Variants in KCNIP4 observed in about 807,000 individuals in gnomAD.
KCNIP4 encodes the protein potassium voltage-gated channel interacting protein 4, also known as Kv channel-interacting protein 4.
In KCNIP4, 12 loss-of-function variants were observed where a neutral mutation model predicts 34.0. The ratio of observed to expected loss-of-function variants is 0.35; its 90% CI spans 0.23 to 0.57. The LOEUF (loss-of-function observed/expected upper bound fraction) is 0.57. KCNIP4 is among the 20% of genes least tolerant of loss of function. The pLI is 0.83. For synonymous variants in KCNIP4, 124 were observed against 102.2 expected (o/e 1.21, Z -1.29); for missense variants, 238 against 311.7 (o/e 0.76, Z 1.78).
intron 1 of KCNIP4, among the ~76,000 whole-genome samples, chr4:21,862,566 G>A (rs891699407): frequency 9.2e-5 from 14 of 152,180 alleles, no homozygotes; most frequent in African/African-American, 3.4e-4. Flanking sequence ...GACACACAAA[G>A]CTTCATCGAG....
chr4:21,816,081 G>C (rs1721968018), intron 1 of KCNIP4, among the ~76,000 whole-genome samples: 1 of 151,960 alleles, frequency 6.6e-6, no homozygotes, highest in Admixed American at 6.6e-5. Flanking sequence ...GACAACTCTG[G>C]GACATTTTTT....
chr4:20,777,565 G>C (rs1560457851), intron 3 of KCNIP4, among the ~76,000 whole-genome samples: 1 of 152,146 alleles, frequency 6.6e-6, no homozygotes, highest in Non-Finnish European at 1.5e-5. Flanking sequence ...ACCAGGAAGA[G>C]GGACTTTACC....
At chr4:21,177,515 T>C (rs1347931195) in intron 1 of KCNIP4, among the ~76,000 whole-genome samples, 1 of 152,096 alleles carries the variant, frequency 6.6e-6, no homozygotes, top group Non-Finnish European at 1.5e-5. Context: ...ATTTAATAAC[T>C]ACTTCCTGCA....
intron 1 of KCNIP4, among the ~76,000 whole-genome samples, chr4:21,197,536 A>G (rs1364436288): frequency 1.3e-5 from 2 of 152,114 alleles, no homozygotes; most frequent in African/African-American, 4.8e-5. Context: ...CCAGACCAAG[A>G]TTTCAGAGTC....
intron 1 of KCNIP4, among the ~76,000 whole-genome samples, chr4:21,657,841 ATTTT>A (rs34034617): frequency 0.013 from 1,955 of 145,304 alleles, 43 homozygotes; most frequent in African/African-American, 0.045. Flanking sequence ...TTTAAACATA[ATTTT>A]TTTTTTTTTT....
At chr4:21,531,934 C>T (rs1408303231) in intron 1 of KCNIP4, among the ~76,000 whole-genome samples, 2 of 151,844 alleles carry the variant, frequency 1.3e-5, no homozygotes, top group Admixed American at 1.3e-4. Context: ...TGCTTTCAAG[C>T]CTTGATGTAA....
intron 1 of KCNIP4, among the ~76,000 whole-genome samples, chr4:21,353,926 C>A (rs972472320): frequency 6.6e-6 from 1 of 152,162 alleles, no homozygotes; most frequent in Admixed American, 6.5e-5. Context: ...CAAAGGGAAG[C>A]CCATTAGACT....
chr4:20,916,953 T>C (rs1186456841), intron 1 of KCNIP4, among the ~76,000 whole-genome samples: 6 of 138,004 alleles, frequency 4.3e-5, no homozygotes, highest in Non-Finnish European at 9.3e-5. Flanking sequence ...TTTTTTCCTT[T>C]TTTGGTTCTT....
At chr4:21,926,658 G>A (rs755211970) in intron 1 of KCNIP4, among the ~76,000 whole-genome samples, 13 of 152,198 alleles carry the variant, frequency 8.5e-5, no homozygotes, top group South Asian at 2.1e-4. Context: ...CCTATAAGTC[G>A]AGCTTCAAGG....
Position 21,063,173 on chromosome 4 carries a change from C to A in KCNIP4, c.62-180464G>T, listed in dbSNP as rs540744800. Among the ~76,000 whole-genome samples the A allele has an allele frequency of 2.6e-5, 4 of 152,204 alleles. No homozygotes were observed. In the South Asian group the frequency reaches 8.3e-4, roughly 32 times the overall value. ...GCTCCCTTACAGCCCTCAGAAGGAA[C>A]TGACTCTACTGACACCTTGATTTTG... On this transcript the variant is annotated intron_variant, in intron 1 of 8. Transcript: ENST00000382152.
intron 1 of KCNIP4, among the ~76,000 whole-genome samples, chr4:21,396,606 A>G (rs1307174578): frequency 6.6e-6 from 1 of 151,304 alleles, no homozygotes; most frequent in Non-Finnish European, 1.5e-5. Context: ...ATAAACTATC[A>G]AAAGTTAGAG....
At chr4:21,789,281 T>C (rs1329815898) in intron 1 of KCNIP4, among the ~76,000 whole-genome samples, 6 of 152,178 alleles carry the variant, frequency 3.9e-5, no homozygotes, top group Non-Finnish European at 7.3e-5. Context: ...TTGGGAATGA[T>C]TGTGTCTTTC....
In KCNIP4 at chr4:21,124,200, A is replaced by G. The variant is rs144826791; in HGVS notation, c.62-241491T>C. 4.6e-3 allele frequency among the ~76,000 whole-genome samples: 705 copies of G among 152,286 alleles called. 4 individuals are homozygous for G. The highest frequency in any genetic ancestry group is 0.016 in the African/African-American group (680 of 41,566). On this transcript the variant is annotated intron_variant, in intron 1 of 8. Transcript: ENST00000382152. ...TTATTCAACTTGTGGTATCAACGTCATACAGTGTTTGGAAAGTCCCACTAT... is the reference window on the plus strand; with the variant it reads ...TTATTCAACTTGTGGTATCAACGTCGTACAGTGTTTGGAAAGTCCCACTAT...
intron 1 of KCNIP4, among the ~76,000 whole-genome samples, chr4:21,148,279 C>G (rs1752528361): frequency 6.6e-6 from 1 of 152,102 alleles, no homozygotes. Context: ...ACCAAAATAA[C>G]AACCTTCAGA....
At chr4:20,865,771 A>G (rs1042480047) in intron 2 of KCNIP4, among the ~76,000 whole-genome samples, 1 of 152,074 alleles carries the variant, frequency 6.6e-6, no homozygotes, top group Non-Finnish European at 1.5e-5. Context: ...CTAGAGATCT[A>G]AATTACAACA....
In KCNIP4 at chr4:20,742,176, T is replaced by C. The variant is rs1414602788; in HGVS notation, c.430-7441A>G. On this transcript the variant is annotated intron_variant, in intron 5 of 8. Transcript: ENST00000382152. ...GCTGGTACCATTTCTTCTGAAAATA[T>C]TCCAATCAACAGAAAAAGAGGGAAT... Among the ~76,000 whole-genome samples the C allele has an allele frequency of 4.6e-5, 7 of 152,286 alleles. No individual in the cohort carries two copies. The East Asian group carries it at 7.7e-4, about 17-fold the overall frequency.
intron 1 of KCNIP4, among the ~76,000 whole-genome samples, chr4:21,828,827 C>A (rs28672670): frequency 6.6e-6 from 1 of 151,830 alleles, no homozygotes; most frequent in East Asian, 1.9e-4. Context: ...GAGTTTACCA[C>A]GAACACACAC....
chr4:21,122,170 T>A (rs887121609), intron 1 of KCNIP4, among the ~76,000 whole-genome samples: 1 of 143,356 alleles, frequency 7.0e-6, no homozygotes, highest in Admixed American at 7.0e-5. Context: ...ATTTTGCAGA[T>A]CAAGTTTTTT....
chr4:20,743,329 A>G (rs1751623914), intron 5 of KCNIP4, among the ~76,000 whole-genome samples: 1 of 152,224 alleles, frequency 6.6e-6, no homozygotes, highest in Non-Finnish European at 1.5e-5. Flanking sequence ...CTAAGCCAAA[A>G]GAACAAAGCT....
Sources: allele counts gnomAD v4.1 joint callset (sites outside exome capture counted in the v4.1 genomes callset), GRCh38; gene constraint gnomAD v4.1.1; transcripts MANE v1.5; gene names NCBI Gene and HGNC (gene_info 2026-07-23, HGNC 2026-07-21).